DDX46: variants seen among roughly 807,000 people sequenced by gnomAD.
DDX46 encodes DEAD-box helicase 46.
In DDX46, 30 loss-of-function variants were observed where a neutral mutation model predicts 134.9. That is an observed-to-expected ratio of 0.22 (90% CI 0.17 to 0.30). DDX46 has a LOEUF of 0.30. Among genes scored for constraint, DDX46 ranks in the 10% least tolerant of loss-of-function variants. DDX46 has a pLI of 1.00. For missense variants in DDX46, 622 were observed against 1,248.7 expected (o/e 0.50, Z 7.56); for synonymous variants, 415 against 404.1 (o/e 1.03, Z -0.32).
intron 3 of DDX46, among the ~76,000 whole-genome samples, chr5:134,769,896 C>T (rs1256321258): frequency 6.6e-6 from 1 of 152,034 alleles, no homozygotes; most frequent in Non-Finnish European, 1.5e-5. Context: ...CTCCTGACCT[C>T]GTGATCTGCC....
chr5:134,794,857 G>T lies in DDX46; in HGVS notation c.1634G>T (p.Arg545Leu). ...FDMGFEPQVMRIVDNVRPDRQ... is the reference protein window; with the variant it reads ...FDMGFEPQVMLIVDNVRPDRQ... ...ATGTTTTCTTTTTCTCAGGTCATGC[G>T]CATCGTGGATAATGTTCGTCCTGAT... is the stretch of plus-strand genomic sequence containing the variant. Residue 545 changes from arginine (R) to leucine (L), a missense_variant, in exon 14 of 23, where the codon CGC (arginine) becomes CTC (leucine). Physicochemically the swap from Arg to Leu is moderately radical, Grantham distance 102. This residue lies in a region of DDX46 where 209 missense variants were observed against 508.4 expected (regional missense o/e 0.41). Coordinates refer to ENST00000452510, the MANE Select transcript of DDX46 (RefSeq NM_001300860.2). The T allele has an allele frequency of 6.2e-7, 1 of 1,613,896 alleles. No individual in the cohort carries two copies. The highest frequency in any genetic ancestry group is 8.5e-7 in the Non-Finnish European group (1 of 1,179,930).
intron 11 of DDX46, among the ~76,000 whole-genome samples, chr5:134,786,855 G>A (rs773206281): frequency 7.2e-5 from 11 of 151,988 alleles, no homozygotes; most frequent in African/African-American, 1.2e-4. Flanking sequence ...GGGGGGTGGC[G>A]GAAGTGATGG....
intron 15 of DDX46, among the ~76,000 whole-genome samples, chr5:134,797,503 C>G (rs1003888502): frequency 6.6e-6 from 1 of 152,168 alleles, no homozygotes; most frequent in Non-Finnish European, 1.5e-5. Flanking sequence ...GTGGGCCTCT[C>G]TATGAGGCTG....
intron 10 of DDX46, 94 bp from the exon 11 acceptor site, chr5:134,785,371 A>G: frequency 7.3e-7 from 1 of 1,373,718 alleles, no homozygotes; most frequent in Non-Finnish European, 9.5e-7. Flanking sequence ...TAGGTGAAAC[A>G]ATCTGAACTT....
Position 134,777,229 on chromosome 5 carries a change from C to A in DDX46, c.614-345C>A, listed in dbSNP as rs143730834. On this transcript the variant is annotated intron_variant, in intron 5 of 22. Transcript: ENST00000452510. ...CGAGACTCCGTCTCAAAAAAAACAT[C>A]ATTTAGCAGAGAAAGTTTGTAGTTC... 1.0e-3 allele frequency among the ~76,000 whole-genome samples: 159 copies of A among 152,292 alleles called. 1 individual carries two copies. The East Asian group carries it at 0.028, about 27-fold the overall frequency.
intron 19 of DDX46, 169 bp from the exon 20 acceptor site, chr5:134,817,327 T>TA: frequency 1.6e-6 from 1 of 631,630 alleles, no homozygotes; most frequent in Non-Finnish European, 2.6e-6. Flanking sequence ...AACTACATTA[T>TA]AAATATATAT....
At chr5:134,795,202 T>C (rs1288424407) in intron 14 of DDX46, among the ~76,000 whole-genome samples, 188 bp downstream of exon 14, 1 of 139,324 alleles carries the variant, frequency 7.2e-6, no homozygotes, top group African/African-American at 2.9e-5. Flanking sequence ...TTTAAAATGC[T>C]TGTTTTTTTT....
chr5:134,826,458 C>T (rs1416871987), intron 21 of DDX46: 1 of 152,298 alleles, frequency 6.6e-6, no homozygotes, highest in African/African-American at 2.4e-5. Context: ...AATTAATTTC[C>T]TTTGCAAAAT....
At chr5:134,792,126 G>A (rs564362548) in intron 13 of DDX46, among the ~76,000 whole-genome samples, 1 of 152,152 alleles carries the variant, frequency 6.6e-6, no homozygotes, top group Admixed American at 6.5e-5. Flanking sequence ...GTAGGGAGCC[G>A]AGATCGCATT....
chr5:134,780,168 A>G (rs992546656), intron 6 of DDX46, among the ~76,000 whole-genome samples: 2 of 148,128 alleles, frequency 1.4e-5, no homozygotes, highest in East Asian at 2.0e-4. Flanking sequence ...GTATATGTGT[A>G]TATGTATATG....
Position 134,813,810 on chromosome 5 carries a change from A to T in DDX46, c.2436+1965A>T, listed in dbSNP as rs1755214886. ...TATTTTAAAATGTTTTTTTTTTTAG[A>T]GTCGAGGTCTCACTGTGTTGCCTAG... On this transcript the variant is annotated intron_variant, in intron 18 of 22. Transcript: ENST00000452510. 2.0e-5 allele frequency among the ~76,000 whole-genome samples: 3 copies of T among 150,998 alleles called. No individual in the cohort carries two copies. In the South Asian group the frequency reaches 6.3e-4, roughly 32 times the overall value.
intron 3 of DDX46, 83 bp from the exon 4 acceptor site, chr5:134,770,816 CAAAA>C (rs34760153): frequency 3.3e-4 from 304 of 912,308 alleles, no homozygotes; most frequent in Admixed American, 9.0e-4. Flanking sequence ...GACACTGTCT[CAAAA>C]AAAAAAAAAA....
At chr5:134,822,802 C>G (rs1755492385) in intron 21 of DDX46, among the ~76,000 whole-genome samples, 1 of 152,068 alleles carries the variant, frequency 6.6e-6, no homozygotes, top group African/African-American at 2.4e-5. Flanking sequence ...TTCTTGAACT[C>G]CTGGGCTCAA....
chr5:134,822,580 A>T (rs1755485967), intron 21 of DDX46, among the ~76,000 whole-genome samples: 1 of 151,340 alleles, frequency 6.6e-6, no homozygotes, highest in Non-Finnish European at 1.5e-5. Context: ...CTTCTCTTGT[A>T]CTCCCACATC....
chr5:134,771,503 T>C, intron 4 of DDX46, among the ~76,000 whole-genome samples: 1 of 135,056 alleles, frequency 7.4e-6, no homozygotes. Context: ...CTATCCTGGC[T>C]AACATGGTGA....
At chr5:134,799,083 A>G (rs1437407560) in intron 15 of DDX46, among the ~76,000 whole-genome samples, 4 of 152,158 alleles carry the variant, frequency 2.6e-5, no homozygotes, top group South Asian at 4.1e-4. Flanking sequence ...GCCATTTTAT[A>G]TAAGGGACTT....
At position 134,784,220 on chromosome 5, in the gene DDX46, C is replaced by T. The variant is rs557041458; in HGVS notation, c.1167-146C>T. ...GTCCATATTGTAGAATGTGTTAGTA[C>T]TTCATTCCTTTTTATTGCCAAATAG... On this transcript the variant is annotated intron_variant, in intron 9 of 22. Transcript: ENST00000452510. 39 of 715,510 alleles carry T rather than the reference C, an allele frequency of 5.5e-5. No homozygotes were observed. In the South Asian group the frequency reaches 7.5e-4, roughly 14 times the overall value. 44.3% of individuals were successfully genotyped at this position (715,510 alleles called of 1,614,324 possible).
intron 15 of DDX46, among the ~76,000 whole-genome samples, chr5:134,796,492 G>C (rs1472792549): frequency 6.6e-6 from 1 of 152,178 alleles, no homozygotes; most frequent in Non-Finnish European, 1.5e-5. Flanking sequence ...TCAAAGTAAC[G>C]TTTTAATTTC....
chr5:134,820,864 C>CTTTTTT (rs1180909732), intron 21 of DDX46, among the ~76,000 whole-genome samples: 49 of 123,190 alleles, frequency 4.0e-4, no homozygotes, highest in Non-Finnish European at 5.3e-4. Context: ...CTTTTCTTTT[C>CTTTTTT]TTTTTTTTTT....
Sources: allele counts gnomAD v4.1 joint callset (sites outside exome capture counted in the v4.1 genomes callset), GRCh38; gene constraint gnomAD v4.1.1; regional missense constraint gnomAD v4.1.1; transcripts MANE v1.5; gene names NCBI Gene and HGNC (gene_info 2026-07-23, HGNC 2026-07-21).